Variants in ZCCHC4 observed in about 807,000 individuals in gnomAD.
ZCCHC4 encodes rRNA N(6)-adenosine-methyltransferase ZCCHC4.
A neutral mutation model predicts 67.7 loss-of-function variants in ZCCHC4; 54 were observed. The observed-to-expected ratio is 0.80, with a 90% CI of 0.64 to 1.00. ZCCHC4 has a LOEUF of 1.00. Ranked by LOEUF, ZCCHC4 falls within the 50% of genes least tolerant of loss-of-function variation. ZCCHC4 has a pLI of 0.00. For missense variants in ZCCHC4, 609 were observed against 617.0 expected (o/e 0.99, Z 0.14); for synonymous variants, 198 against 213.5 (o/e 0.93, Z 0.63).
intron 1 of ZCCHC4, among the ~76,000 whole-genome samples, 197 bp downstream of exon 1, chr4:25,313,133 G>A (rs948925019): frequency 6.6e-5 from 10 of 152,220 alleles, no homozygotes; most frequent in Non-Finnish European, 1.3e-4. Context: ...CACTCTTGTG[G>A]TTTTGGCTCC....
chr4:25,325,411 G>C (rs896817157), intron 3 of ZCCHC4, among the ~76,000 whole-genome samples: 6 of 151,138 alleles, frequency 4.0e-5, no homozygotes, highest in Non-Finnish European at 7.4e-5. Context: ...GGGATTACAG[G>C]CGTGTGCCAC....
chr4:25,350,254 C>CTTTTTT (rs751802021), intron 7 of ZCCHC4, among the ~76,000 whole-genome samples: 29 of 84,892 alleles, frequency 3.4e-4, no homozygotes, highest in Non-Finnish European at 3.9e-4. Context: ...GGTACTGCTT[C>CTTTTTT]TTTTTTTTTT....
chr4:25,329,786 G>A (rs1577734153), intron 3 of ZCCHC4, among the ~76,000 whole-genome samples: 1 of 151,908 alleles, frequency 6.6e-6, no homozygotes, highest in South Asian at 2.1e-4. Context: ...GCCTGCCTCG[G>A]CCTCCCATAA....
In ZCCHC4 at chr4:25,362,278, C is replaced by T. The variant is rs1224103213; in HGVS notation, c.1186C>T (p.Leu396Phe). The change falls in exon 10 of 13, where the codon CTC (leucine) becomes TTC (phenylalanine). Residue 396 changes from leucine to phenylalanine, a missense_variant. Physicochemically the swap from Leu to Phe is conservative, Grantham distance 22 (BLOSUM62 0). Transcript: ENST00000302874. The part of the protein sequence containing the change: ...YVSLENQHCE[L>F]CNSCTSKDGR... Reference sequence around the variant, plus strand: ...TTCTCTAGAGAATCAACACTGTGAGCTCTGTAATTCTTGCACATCCAAGGT... The same window carrying T: ...TTCTCTAGAGAATCAACACTGTGAGTTCTGTAATTCTTGCACATCCAAGGT... 4.4e-5 allele frequency: 71 copies of T among 1,608,688 alleles called. No individual in the cohort carries two copies. Among genetic ancestry groups the T allele is most frequent in the Non-Finnish European group, 5.9e-5 (70 of 1,176,912 alleles).
chr4:25,358,627 A>G (rs1366715913), intron 8 of ZCCHC4, among the ~76,000 whole-genome samples: 1 of 152,258 alleles, frequency 6.6e-6, no homozygotes. Context: ...GTTAAATACT[A>G]TCTAAGAGAG....
chr4:25,361,481 T>G (rs1317504544), intron 8 of ZCCHC4, among the ~76,000 whole-genome samples: 1 of 152,228 alleles, frequency 6.6e-6, no homozygotes, highest in Non-Finnish European at 1.5e-5. Flanking sequence ...CATGTGAGGC[T>G]CATTAGGTGA....
intron 5 of ZCCHC4, among the ~76,000 whole-genome samples, chr4:25,340,984 A>G (rs56203712): frequency 0.15 from 23,020 of 152,018 alleles, 2,354 homozygotes; most frequent in Non-Finnish European, 0.23. Flanking sequence ...CCACTTAATG[A>G]ATATTAAATA....
At chr4:25,338,082 T>C (rs1388065433) in intron 5 of ZCCHC4, among the ~76,000 whole-genome samples, 1 of 152,228 alleles carries the variant, frequency 6.6e-6, no homozygotes, top group Non-Finnish European at 1.5e-5. Context: ...CTTTTCCTGC[T>C]GGTGATATTT....
intron 3 of ZCCHC4, among the ~76,000 whole-genome samples, chr4:25,327,425 CT>C (rs112174603): frequency 0.17 from 24,297 of 147,178 alleles, 2,373 homozygotes; most frequent in East Asian, 0.26. Flanking sequence ...TCCTTCCCTC[CT>C]TCCCTCCTTC....
chr4:25,343,463 C>T (rs1425051037), intron 5 of ZCCHC4, among the ~76,000 whole-genome samples: 2 of 152,126 alleles, frequency 1.3e-5, no homozygotes, highest in Admixed American at 6.5e-5. Context: ...ATTTACGCTG[C>T]TAATTATTAA....
At chr4:25,351,238 C>CAG (rs1183670280) in intron 7 of ZCCHC4, among the ~76,000 whole-genome samples, 3 of 152,174 alleles carry the variant, frequency 2.0e-5, no homozygotes, top group African/African-American at 7.2e-5. Context: ...CCTTCTAGTC[C>CAG]AGAGGTCCTT....
In ZCCHC4 at chr4:25,331,317, C is replaced by G. The variant is rs531545607; in HGVS notation, c.330-1866C>G. On this transcript the variant is annotated intron_variant, in intron 3 of 12. Coordinates refer to ENST00000302874, the MANE Select transcript of ZCCHC4 (RefSeq NM_024936.3). ...CTGCGGAAGCTGTCAACATTTTTTT[C>G]TTTTAGAGACAGAGCCTCACTCTGT... Among the ~76,000 whole-genome samples, 5 of 152,154 alleles carry G rather than the reference C, an allele frequency of 3.3e-5. No individual in the cohort carries two copies. In the East Asian group the frequency reaches 9.7e-4, roughly 29 times the overall value.
intron 3 of ZCCHC4, among the ~76,000 whole-genome samples, chr4:25,322,132 T>C (rs1718614779): frequency 6.6e-6 from 1 of 152,220 alleles, no homozygotes; most frequent in African/African-American, 2.4e-5. Context: ...GGTTGGATTT[T>C]GCTTTGTGAT....
At chr4:25,341,803 G>A (rs919011355) in intron 5 of ZCCHC4, among the ~76,000 whole-genome samples, 14 of 152,078 alleles carry the variant, frequency 9.2e-5, no homozygotes, top group African/African-American at 2.9e-4. Flanking sequence ...GTAAATTCAC[G>A]TTGTTTGTAA....
chr4:25,315,171 C>T, intron 2 of ZCCHC4, 147 bp from the exon 3 acceptor site: 2 of 619,628 alleles, frequency 3.2e-6, no homozygotes, highest in Non-Finnish European at 2.7e-6. Flanking sequence ...AGAATTTTCC[C>T]AGTTTTCGCT....
chr4:25,331,741 ACT>A (rs773659254), intron 3 of ZCCHC4, among the ~76,000 whole-genome samples: 42 of 152,310 alleles, frequency 2.8e-4, no homozygotes, highest in South Asian at 2.5e-3. Context: ...ACTTTGAATT[ACT>A]AAGAAGTTTC....
chr4:25,348,455 C>T (rs1398396196), intron 6 of ZCCHC4, among the ~76,000 whole-genome samples: 1 of 152,084 alleles, frequency 6.6e-6, no homozygotes, highest in Non-Finnish European at 1.5e-5. Flanking sequence ...GGTTCTGCAT[C>T]TGTGGATTCA....
At chr4:25,323,068 A>G (rs1319428320) in intron 3 of ZCCHC4, among the ~76,000 whole-genome samples, 1 of 152,228 alleles carries the variant, frequency 6.6e-6, no homozygotes, top group African/African-American at 2.4e-5. Context: ...TATTAAGATT[A>G]ATCACGTGTT....
intron 12 of ZCCHC4, 66 bp downstream of exon 12, chr4:25,365,232 G>A: frequency 1.9e-6 from 3 of 1,587,452 alleles, no homozygotes; most frequent in South Asian, 2.3e-5. Flanking sequence ...ATCCACAAAA[G>A]CATGCAACAT....
Sources: gnomAD v4.1 joint callset for allele counts (sites outside exome capture counted in the v4.1 genomes callset) on GRCh38, gnomAD v4.1.1 for gene constraint, MANE v1.5 for transcripts, NCBI Gene and HGNC (gene_info 2026-07-23, HGNC 2026-07-21) for gene names.